DST: variants seen among roughly 807,000 people sequenced by gnomAD.
The protein encoded by DST is bullous pemphigoid antigen.
DST carries 253 observed loss-of-function variants against 875.2 expected under a neutral mutation model. That is an observed-to-expected ratio of 0.29 (90% CI 0.26 to 0.32). DST has a LOEUF of 0.32. DST is among the 10% of genes least tolerant of loss of function. The pLI, the probability that DST is intolerant of heterozygous loss-of-function variation, is 1.00. For missense variants in DST, 8,287 were observed against 9,111.6 expected, an observed-to-expected ratio of 0.91 and a Z score of 3.68; for synonymous variants, 3,124 against 3,197.1, an observed-to-expected ratio of 0.98 and a Z score of 0.77.
chr6:56,890,975 T>C lies in DST; in HGVS notation c.417+9446A>G, dbSNP rs538098986. Among the ~76,000 whole-genome samples the C allele has an allele frequency of 1.0e-3, 158 of 152,336 alleles. 4 individuals carry two copies. The South Asian group carries it at 0.032, about 31-fold the overall frequency. ...CTTTCATGGCAACACGTCATAACAC[T>C]GATTTTCTCCAAATGTGTACGTTTA... On this transcript the variant is annotated intron_variant, in intron 3 of 103. Coordinates refer to ENST00000680361, the MANE Select transcript of DST (RefSeq NM_001374736.1).
intron 3 of DST, among the ~76,000 whole-genome samples, chr6:56,882,906 A>G (rs1289170811): frequency 3.3e-5 from 5 of 152,202 alleles, no homozygotes; most frequent in Non-Finnish European, 7.4e-5. Context: ...TCGCTCTGTC[A>G]CCCAGGCTGG....
intron 4 of DST, chr6:56,785,696 G>A (rs11756551): frequency 0.13 from 19,197 of 152,858 alleles, 1,660 homozygotes; most frequent in Middle Eastern, 0.2. Flanking sequence ...ACCCTGCTTC[G>A]GCTGGCGCAC....
chr6:56,538,728 A>G (rs766616895), intron 61 of DST, among the ~76,000 whole-genome samples: 4 of 152,214 alleles, frequency 2.6e-5, no homozygotes, highest in African/African-American at 4.8e-5. Context: ...ATGTATATAG[A>G]CAATTTCCAT....
chr6:56,552,775 A>G lies in DST; in HGVS notation c.16017T>C (p.Leu5339=). ...VDLAKRLAQD[L]VVEASDSKGT... ...CCTTTGAGTCTGAGGCCTCTACCAC[A>G]AGGTCCTGTGCAAGTCTTTTAGCCA... The change falls in exon 61 of 104, where the codon CTT becomes CTC. Residue 5339 remains leucine (L), a synonymous_variant. Transcript: ENST00000680361. 1 of 1,610,540 alleles carries G rather than the reference A, an allele frequency of 6.2e-7. No homozygotes were observed. The highest frequency in any genetic ancestry group is 8.5e-7 in the Non-Finnish European group (1 of 1,179,876).
chr6:56,790,384 C>T (rs569901288), intron 4 of DST, among the ~76,000 whole-genome samples: 1 of 152,292 alleles, frequency 6.6e-6, no homozygotes, highest in African/African-American at 2.4e-5. Flanking sequence ...TTAAGTCTGT[C>T]ATATTTGAAA....
chr6:56,747,222 T>G (rs564418764), intron 4 of DST, among the ~76,000 whole-genome samples: 1 of 152,208 alleles, frequency 6.6e-6, no homozygotes, highest in Non-Finnish European at 1.5e-5. Flanking sequence ...AATGGTAGAA[T>G]GTGCTAGGTA....
intron 61 of DST, among the ~76,000 whole-genome samples, chr6:56,544,966 AGATATATTAAACC>A (rs1323143465): frequency 3.3e-5 from 5 of 152,168 alleles, no homozygotes; most frequent in Non-Finnish European, 5.9e-5. Flanking sequence ...AATAAAATCA[AGATATATTAAACC>A]ATGTTAAATA....
intron 50 of DST, among the ~76,000 whole-genome samples, chr6:56,574,395 C>T (rs1174247458): frequency 2.0e-5 from 3 of 152,178 alleles, no homozygotes; most frequent in Non-Finnish European, 4.4e-5. Flanking sequence ...CCTTCATACA[C>T]ACGCATGCTA....
intron 9 of DST, among the ~76,000 whole-genome samples, chr6:56,694,153 G>C (rs1332184021): frequency 6.8e-6 from 1 of 148,136 alleles, no homozygotes; most frequent in Non-Finnish European, 1.5e-5. Flanking sequence ...GAAAAATAAT[G>C]AATCAGTATG....
chr6:56,859,039 C>T (rs1228162076), intron 3 of DST, among the ~76,000 whole-genome samples: 1 of 152,076 alleles, frequency 6.6e-6, no homozygotes, highest in Non-Finnish European at 1.5e-5. Flanking sequence ...TACTCACAGC[C>T]CTAAAGATTA....
At chr6:56,618,934 C>G in intron 36 of DST, 1 of 1,614,206 alleles carries the variant, frequency 6.2e-7, no homozygotes. Flanking sequence ...GCTGAACTTT[C>G]TGCTCCCCGC....
intron 4 of DST, among the ~76,000 whole-genome samples, chr6:56,750,903 T>C (rs562696979): frequency 4.6e-5 from 7 of 152,208 alleles, no homozygotes; most frequent in Admixed American, 1.3e-4. Flanking sequence ...ATGTCTCATA[T>C]TTATATAGCA....
chr6:56,716,221 GGAACA>G (rs1563832585), intron 5 of DST, among the ~76,000 whole-genome samples: 1 of 152,178 alleles, frequency 6.6e-6, no homozygotes. Context: ...ATAGATCAAT[GGAACA>G]GAACAGAGAG....
In DST at chr6:56,594,058, G is replaced by T. The variant is rs1331149366; in HGVS notation, c.12331C>A (p.Leu4111Met). 6.2e-7 allele frequency: 1 copy of T among 1,612,452 alleles called. No individual in the cohort carries two copies. The change falls in exon 48 of 104, where the codon CTG becomes ATG. Residue 4111 changes from leucine to methionine, a missense_variant. By Grantham distance (15) the Leu-to-Met change is conservative. This residue lies in a region of DST where 1,513 missense variants were observed against 1,677.8 expected (regional missense o/e 0.90). Coordinates refer to ENST00000680361, the MANE Select transcript of DST (RefSeq NM_001374736.1). ...AGTGCAGTTTCATAATGCACTTTCA[G>T]TTCCTTCATGTTCTTTTGCAGTTTC... ...KEKLQKNMKE[L>M]KVHYETALAE... is the part of the protein sequence containing the mutation.
At chr6:56,778,584 C>A (rs1359717120) in intron 4 of DST, among the ~76,000 whole-genome samples, 6 of 131,126 alleles carry the variant, frequency 4.6e-5, no homozygotes, top group African/African-American at 1.7e-4. Flanking sequence ...CTTCCTGTGT[C>A]CATGTGTTCT....
chr6:56,458,849 C>A lies in DST; in HGVS notation c.*156G>T, dbSNP rs995386312. 3 of 804,012 alleles carry A rather than the reference C, an allele frequency of 3.7e-6. No individual in the cohort carries two copies. The highest frequency in any genetic ancestry group is 1.7e-5 in the African/African-American group (1 of 57,366). 49.8% of individuals were successfully genotyped at this position (804,012 alleles called of 1,614,324 possible). Reference sequence around the variant, plus strand: ...AGAATATCTGACAAAAAAAATTATACAGATAAAATAAAAAGACAAATACAC... The same window carrying A: ...AGAATATCTGACAAAAAAAATTATAAAGATAAAATAAAAAGACAAATACAC... On this transcript the variant is annotated 3_prime_UTR_variant, in exon 104 of 104. Transcript: ENST00000680361.
At chr6:56,466,395 T>C (rs2094577407) in intron 98 of DST, 200 bp from the exon 99 acceptor site, 3 of 382,028 alleles carry the variant, frequency 7.9e-6, no homozygotes, top group East Asian at 7.5e-5. Context: ...GGAAACAGTT[T>C]GAAAAAAAAA....
At position 56,723,291 on chromosome 6, in the gene DST, G is replaced by A. The variant is rs188016395; in HGVS notation, c.687+11937C>T. ...ATAAGAAGGGCTGTGAGGGCTGGGC[G>A]TGGTGGCTTACGCCTGTAATCCCAG... On this transcript the variant is annotated intron_variant, in intron 5 of 103. Coordinates refer to ENST00000680361, the MANE Select transcript of DST (RefSeq NM_001374736.1). Among the ~76,000 whole-genome samples, 55 of 151,952 alleles carry A rather than the reference G, an allele frequency of 3.6e-4. 2 individuals carry two copies. The highest frequency in any genetic ancestry group is 3.4e-3 in the Admixed American group (52 of 15,270).
chr6:56,776,818 A>G (rs1177029160), intron 4 of DST, among the ~76,000 whole-genome samples: 1 of 152,192 alleles, frequency 6.6e-6, no homozygotes, highest in Non-Finnish European at 1.5e-5. Context: ...GCACTAAATG[A>G]CCTTTATCAC....
Sources: gnomAD v4.1 joint callset for allele counts (sites outside exome capture counted in the v4.1 genomes callset) on GRCh38, gnomAD v4.1.1 for gene constraint, gnomAD v4.1.1 regional missense constraint, MANE v1.5 for transcripts, NCBI Gene and HGNC (gene_info 2026-07-23, HGNC 2026-07-21) for gene names.